The following NCAM2 variants were observed in gnomAD, a reference collection of about 807,000 sequenced individuals.
The protein encoded by NCAM2 is N-CAM-2.
NCAM2 carries 30 observed loss-of-function variants against 98.1 expected under a neutral mutation model. That is an observed-to-expected ratio of 0.31 (90% CI 0.23 to 0.41). The LOEUF (loss-of-function observed/expected upper bound fraction) is 0.41. NCAM2 is among the 10% of genes least tolerant of loss of function. The probability of loss-of-function intolerance (pLI) is 1.00; values close to 1 mark genes in which losing one functional copy is unlikely to be tolerated. For missense variants in NCAM2, 867 were observed against 1,005.8 expected, an observed-to-expected ratio of 0.86 and a Z score of 1.87; for synonymous variants, 368 against 342.4, an observed-to-expected ratio of 1.07 and a Z score of -0.83.
intron 9 of NCAM2, among the ~76,000 whole-genome samples, chr21:21,406,756 T>C (rs1602242442): frequency 1.3e-5 from 2 of 152,184 alleles, no homozygotes; most frequent in East Asian, 3.9e-4. Context: ...TGATTTGGAC[T>C]TTGATAAGAT....
intron 8 of NCAM2, among the ~76,000 whole-genome samples, chr21:21,343,890 A>T (rs552986947): frequency 6.6e-6 from 1 of 152,152 alleles, no homozygotes; most frequent in East Asian, 1.9e-4. Context: ...GTGGGGAGGA[A>T]TGTGACATAC....
intron 1 of NCAM2, among the ~76,000 whole-genome samples, chr21:21,075,242 C>A (rs563503872): frequency 6.6e-6 from 1 of 151,990 alleles, no homozygotes; most frequent in African/African-American, 2.4e-5. Flanking sequence ...ATGTAGATGA[C>A]GGGTTGATGG....
intron 1 of NCAM2, among the ~76,000 whole-genome samples, chr21:21,134,779 T>C (rs2067008916): frequency 6.6e-6 from 1 of 150,846 alleles, no homozygotes; most frequent in African/African-American, 2.4e-5. Flanking sequence ...GGTGCAGTGA[T>C]CACAACTCGC....
intron 1 of NCAM2, among the ~76,000 whole-genome samples, chr21:21,002,589 G>C (rs1004003728): frequency 6.6e-6 from 1 of 152,094 alleles, no homozygotes; most frequent in Non-Finnish European, 1.5e-5. Context: ...TGGTCCTCCT[G>C]CATTCTCTGT....
intron 5 of NCAM2, among the ~76,000 whole-genome samples, chr21:21,294,472 T>A (rs1357451617): frequency 6.6e-6 from 1 of 151,920 alleles, no homozygotes; most frequent in Non-Finnish European, 1.5e-5. Context: ...ATTCTTCTCC[T>A]CTGTCTCCCA....
At chr21:21,510,058 T>G (rs1415955530) in intron 16 of NCAM2, among the ~76,000 whole-genome samples, 1 of 152,192 alleles carries the variant, frequency 6.6e-6, no homozygotes, top group Non-Finnish European at 1.5e-5. Flanking sequence ...ACAATTAACA[T>G]TTTGTGCTAT....
intron 1 of NCAM2, among the ~76,000 whole-genome samples, chr21:21,032,722 A>C (rs1284682814): frequency 3.9e-5 from 6 of 152,174 alleles, no homozygotes; most frequent in African/African-American, 1.4e-4. Context: ...CAATTTACTC[A>C]AACAATAGAA....
intron 6 of NCAM2, among the ~76,000 whole-genome samples, chr21:21,326,880 A>G (rs2074526730): frequency 6.6e-6 from 1 of 151,946 alleles, no homozygotes; most frequent in Non-Finnish European, 1.5e-5. Flanking sequence ...TCTGACATAT[A>G]GACATGTCAT....
At chr21:21,313,426 G>A (rs1339527604) in intron 5 of NCAM2, among the ~76,000 whole-genome samples, 1 of 151,302 alleles carries the variant, frequency 6.6e-6, no homozygotes, top group Non-Finnish European at 1.5e-5. Flanking sequence ...TGCTTAATTG[G>A]CCTTTTTATC....
chr21:21,385,700 T>C, intron 9 of NCAM2: 1 of 1,270,414 alleles, frequency 7.9e-7, no homozygotes, highest in East Asian at 5.6e-5. Flanking sequence ...TTCCAATTTC[T>C]AAAACAAAGG....
intron 1 of NCAM2, among the ~76,000 whole-genome samples, chr21:21,265,533 GTGTA>G (rs2072233515): frequency 9.9e-6 from 1 of 100,956 alleles, no homozygotes; most frequent in Admixed American, 1.0e-4. Context: ...ACACATATGT[GTGTA>G]TGTATATATG....
At chr21:21,402,728 C>T (rs970292791) in intron 9 of NCAM2, among the ~76,000 whole-genome samples, 2 of 152,062 alleles carry the variant, frequency 1.3e-5, no homozygotes, top group Non-Finnish European at 2.9e-5. Context: ...CCCCTAGTGG[C>T]CCAGCTGTAA....
chr21:21,425,844 A>G (rs1024006608), intron 11 of NCAM2, among the ~76,000 whole-genome samples: 1 of 152,196 alleles, frequency 6.6e-6, no homozygotes, highest in Non-Finnish European at 1.5e-5. Context: ...ATAATATTAG[A>G]TTAAGCTCAC....
intron 1 of NCAM2, among the ~76,000 whole-genome samples, chr21:21,137,193 T>C (rs1352508390): frequency 1.3e-5 from 2 of 152,168 alleles, no homozygotes; most frequent in Non-Finnish European, 2.9e-5. Flanking sequence ...GTTTAACACA[T>C]GGTGCCGATA....
chr21:21,488,394 G>T (rs1986571446), intron 15 of NCAM2, among the ~76,000 whole-genome samples: 1 of 152,028 alleles, frequency 6.6e-6, no homozygotes, highest in African/African-American at 2.4e-5. Context: ...TTAAATTTAT[G>T]ATTAGTCATT....
intron 5 of NCAM2, among the ~76,000 whole-genome samples, chr21:21,301,573 C>A (rs536021483): frequency 6.0e-4 from 65 of 107,676 alleles, no homozygotes; most frequent in South Asian, 1.4e-3. Context: ...GTGTGATATT[C>A]CCCTTCCTGT....
Position 21,110,261 on chromosome 21 carries a change from G to A in NCAM2, c.55+111643G>A, listed in dbSNP as rs112472200. Among the ~76,000 whole-genome samples the A allele has an allele frequency of 1.5e-3, 221 of 152,286 alleles. 3 individuals are homozygous for A. The highest frequency in any genetic ancestry group is 5.0e-3 in the African/African-American group (209 of 41,560). On this transcript the variant is annotated intron_variant, in intron 1 of 17. Coordinates refer to ENST00000400546, the MANE Select transcript of NCAM2 (RefSeq NM_004540.5). The stretch of plus-strand genomic sequence containing the variant: ...GAGTGTCAGGAATTTGGCCCAGGCC[G>A]TTGCTAGATTCTATGTGTTTGGCAG...
At chr21:21,510,389 A>C (rs1241278426) in intron 16 of NCAM2, among the ~76,000 whole-genome samples, 3 of 152,058 alleles carry the variant, frequency 2.0e-5, no homozygotes, top group Non-Finnish European at 4.4e-5. Flanking sequence ...CTGATTTTTC[A>C]CCACAGATAG....
chr21:21,082,842 A>T (rs1601317059), intron 1 of NCAM2, among the ~76,000 whole-genome samples: 1 of 152,140 alleles, frequency 6.6e-6, no homozygotes, highest in South Asian at 2.1e-4. Context: ...GAACCTTCGT[A>T]CTTCTGTTTC....
Sources: allele counts gnomAD v4.1 joint callset (sites outside exome capture counted in the v4.1 genomes callset), GRCh38; gene constraint gnomAD v4.1.1; transcripts MANE v1.5; gene names NCBI Gene and HGNC (gene_info 2026-07-23, HGNC 2026-07-21).